Variants in DOC2A observed in about 807,000 individuals in gnomAD.
DOC2A encodes the protein double C2 domain alpha.
DOC2A carries 28 observed loss-of-function variants against 40.6 expected under a neutral mutation model. The ratio of observed to expected loss-of-function variants is 0.69; its 90% CI spans 0.51 to 0.95. The LOEUF (loss-of-function observed/expected upper bound fraction) is 0.95, where lower values mean the gene tolerates loss of function less well. Among genes scored for constraint, DOC2A ranks in the 40% least tolerant of loss-of-function variants. The pLI is 0.00. For missense variants in DOC2A, 474 were observed against 552.5 expected (o/e 0.86, Z 1.42); for synonymous variants, 241 against 236.9 (o/e 1.02, Z -0.16).
Position 30,009,315 on chromosome 16 carries a change from G to A in DOC2A, c.343-39C>T. ...CAGGGGAGAGGGCTAGAGGCTCCCGGCACCTCTCTCCATCCCTCTTGTAGA... is the reference window on the plus strand; with the variant it reads ...CAGGGGAGAGGGCTAGAGGCTCCCGACACCTCTCTCCATCCCTCTTGTAGA... On this transcript the variant is annotated intron_variant, in intron 3 of 10. Transcript: ENST00000350119. The surrounding 1 kb of genome is among the most constrained non-coding windows in gnomAD (Gnocchi z 4.1). 1 of 1,533,746 alleles carries A rather than the reference G, an allele frequency of 6.5e-7. No homozygotes were observed. Among genetic ancestry groups the A allele is most frequent in the Non-Finnish European group, 8.8e-7 (1 of 1,131,724 alleles).
chr16:30,009,334 T>A lies in DOC2A; in HGVS notation c.343-58A>T. Reference sequence around the variant, plus strand: ...CTCCCGGCACCTCTCTCCATCCCTCTTGTAGAGCTGGACCCTGGAGGAGCC... The same window carrying A: ...CTCCCGGCACCTCTCTCCATCCCTCATGTAGAGCTGGACCCTGGAGGAGCC... On this transcript the variant is annotated intron_variant, in intron 3 of 10. Transcript: ENST00000350119. This position sits in a 1 kb window ranked among gnomAD's most constrained non-coding sequence, Gnocchi z 4.1. 1 of 1,515,828 alleles carries A rather than the reference T, an allele frequency of 6.6e-7. No homozygotes were observed. Among genetic ancestry groups the A allele is most frequent in the Non-Finnish European group, 9.0e-7 (1 of 1,115,696 alleles). The allele number at this position is 1,515,828 out of a possible 1,614,324, so 93.9% of individuals were successfully genotyped here. A position where few individuals can be genotyped will look rare whatever the true frequency, so the allele number is the denominator to read the frequency against.
chr16:30,012,901 G>T (rs918981916), upstream of DOC2A, among the ~76,000 whole-genome samples: 3 of 151,996 alleles, frequency 2.0e-5, no homozygotes, highest in African/African-American at 7.3e-5. Flanking sequence ...TGAGGCAGGA[G>T]GATCGCTTGA....
upstream of DOC2A, among the ~76,000 whole-genome samples, chr16:30,016,043 ATATATATATATATTTTTT>A (rs1344523874): frequency 1.1e-3 from 26 of 22,712 alleles, no homozygotes; most frequent in Admixed American, 3.8e-3. Flanking sequence ...ATATATATAT[ATATATATATATATTTTTT>A]TTTTTTTTTT....
At position 30,010,911 on chromosome 16, in the gene DOC2A, C is replaced by T; in HGVS notation, c.-22G>A. The T allele has an allele frequency of 9.8e-7, 1 of 1,021,868 alleles. No individual in the cohort carries two copies. Among genetic ancestry groups the T allele is most frequent in the Non-Finnish European group, 1.2e-6 (1 of 851,366 alleles). The allele number at this position is 1,021,868 out of a possible 1,614,324, so 63.3% of individuals were successfully genotyped here. On this transcript the variant is annotated 5_prime_UTR_variant, in exon 1 of 11. Transcript: ENST00000350119. This position sits in a 1 kb window ranked among gnomAD's most constrained non-coding sequence, Gnocchi z 4.2. ...CAGCCCCCTGCACCTGCCTCTGCCT[C>T]CAACAGGTGCCCAGGCACTGGGGGG... is the stretch of plus-strand genomic sequence containing the variant.
rs953366984 is a variant in DOC2A at position 30,005,825 on chromosome 16, C to T, written c.*361G>A. ...TTGTCCTTTTTTTTTGAGACATTCT[C>T]CTCCTCTGAACCTCCCCTAATCCGA... is the stretch of plus-strand genomic sequence containing the variant. On this transcript the variant is annotated 3_prime_UTR_variant, in exon 11 of 11. Coordinates refer to ENST00000350119, the MANE Select transcript of DOC2A (RefSeq NM_003586.3). The T allele has an allele frequency of 2.2e-6, 1 of 456,490 alleles. No individual in the cohort carries two copies. The allele number at this position is 456,490 out of a possible 1,614,324, so 28.3% of individuals were successfully genotyped here.
upstream of DOC2A, chr16:30,011,410 G>A: frequency 1.0e-6 from 1 of 985,304 alleles, no homozygotes; most frequent in Non-Finnish European, 1.2e-6. Flanking sequence ...GAATCGCCGG[G>A]TGTTCCCCAA....
chr16:30,023,227 G>A (rs563215203), upstream of DOC2A: 5 of 879,738 alleles, frequency 5.7e-6, no homozygotes, highest in African/African-American at 6.7e-5. Context: ...TCTGATGAGA[G>A]TGAGGGATGG....
upstream of DOC2A, among the ~76,000 whole-genome samples, chr16:30,014,501 G>A (rs1249341827): frequency 6.6e-6 from 1 of 151,980 alleles, no homozygotes; most frequent in Non-Finnish European, 1.5e-5. Flanking sequence ...TGGGCGTGGA[G>A]GCGGGCAACT....
At chr16:30,022,182 G>A (rs1365704590), upstream of DOC2A, among the ~76,000 whole-genome samples, 2 of 146,210 alleles carry the variant, frequency 1.4e-5, no homozygotes, top group Non-Finnish European at 3.0e-5. Flanking sequence ...AGGAGGTGGA[G>A]GTTGCAGTGA....
chr16:30,009,555 C>A lies in DOC2A; in HGVS notation c.265G>T (p.Ala89Ser), dbSNP rs754124502. 6.4e-7 allele frequency: 1 copy of A among 1,550,862 alleles called. No homozygotes were observed. Among genetic ancestry groups the A allele is most frequent in the Non-Finnish European group, 8.7e-7 (1 of 1,146,886 alleles). ...VDSYDSDDATALGTLEFDLLY... is the reference protein window; with the variant it reads ...VDSYDSDDATSLGTLEFDLLY... ...AGGTCAAACTCCAGCGTGCCTAGGG[C>A]GGCTGGAGAGAGAGGAAAGGCAGCA... The change falls in exon 3 of 11, where the codon GCC becomes TCC. Residue 89 changes from alanine to serine, a missense_variant and splice_region_variant. By Grantham distance (99) the Ala-to-Ser change is moderately conservative (BLOSUM62 1). Transcript: ENST00000350119. This position sits in a 1 kb window ranked among gnomAD's most constrained non-coding sequence, Gnocchi z 4.1.
At chr16:30,020,046 C>G (rs2070893817) in intron 1 of DOC2A, among the ~76,000 whole-genome samples, 1 of 152,128 alleles carries the variant, frequency 6.6e-6, no homozygotes. Context: ...GTAGCTGGGG[C>G]TACAGGCGCA....
At chr16:30,014,834 G>A (rs2070838923), upstream of DOC2A, 1 of 151,518 alleles carries the variant, frequency 6.6e-6, no homozygotes, top group Non-Finnish European at 1.5e-5. Flanking sequence ...GGAGGCTGAG[G>A]CAGGAGAATT....
intron 5 of DOC2A, chr16:30,007,584 C>T: frequency 2.1e-6 from 1 of 486,334 alleles, no homozygotes; most frequent in Non-Finnish European, 3.8e-6. Flanking sequence ...GGGGCAGGAG[C>T]CGAACACCAC....
In DOC2A at chr16:30,009,180, C is replaced by CT; in HGVS notation, c.417+21_417+22insA. The CT allele has an allele frequency of 8.0e-7, 1 of 1,257,728 alleles. No homozygotes were observed. The highest frequency in any genetic ancestry group is 1.1e-6 in the Non-Finnish European group (1 of 904,468). The allele number at this position is 1,257,728 out of a possible 1,614,324, so 77.9% of individuals were successfully genotyped here. A position where few individuals can be genotyped will look rare whatever the true frequency, so the allele number is the denominator to read the frequency against. On this transcript the variant is annotated intron_variant, in intron 4 of 10. Coordinates refer to ENST00000350119, the MANE Select transcript of DOC2A (RefSeq NM_003586.3). This position sits in a 1 kb window ranked among gnomAD's most constrained non-coding sequence, Gnocchi z 4.1. Reference sequence around the variant, plus strand: ...GGCTGGAGTCATGGGCTGGGCCGGGCGGGGCGAGAGGAGGCTGTTACCTTA... The same window carrying CT: ...GGCTGGAGTCATGGGCTGGGCCGGGCTGGGGCGAGAGGAGGCTGTTACCTTA...
In DOC2A at chr16:30,006,635, C is replaced by T. The variant is rs374021811; in HGVS notation, c.921G>A (p.Thr307=). The change falls in exon 9 of 11, where the codon ACG becomes ACA. Residue 307 remains threonine, a synonymous_variant. Transcript: ENST00000350119. The surrounding 1 kb of genome is among the most constrained non-coding windows in gnomAD (Gnocchi z 6.2). ...GGTTGAGAGTCTTCTTCTTCACACA[C>T]GTCTTATGCTTGGATTTCTTGTCCA... The part of the protein sequence containing the change: ...PDVDKKSKHK[T]CVKKKTLNPE... 1.4e-5 allele frequency: 22 copies of T among 1,613,608 alleles called. No individual in the cohort carries two copies. Among genetic ancestry groups the T allele is most frequent in the Middle Eastern group, 1.6e-4 (1 of 6,084 alleles).
intron 1 of DOC2A, chr16:30,018,572 G>C (rs1255192363): frequency 1.3e-5 from 2 of 152,154 alleles, no homozygotes; most frequent in Non-Finnish European, 2.9e-5. Flanking sequence ...ACCATCTAGA[G>C]GAATGATGGG....
At chr16:30,011,344 A>G, upstream of DOC2A, 3 of 984,958 alleles carry the variant, frequency 3.0e-6, no homozygotes, top group Non-Finnish European at 3.6e-6. Context: ...AGAACTTCGC[A>G]CACACACGCA....
At chr16:30,008,628 CG>C (rs2070687783) in intron 5 of DOC2A, 1 of 288,568 alleles carries the variant, frequency 3.5e-6, no homozygotes, top group African/African-American at 2.2e-5. Flanking sequence ...CTCAGCCTCT[CG>C]AGTAGCTGGG....
Position 30,009,395 on chromosome 16 carries a change from G to A in DOC2A, c.342+83C>T. On this transcript the variant is annotated intron_variant, in intron 3 of 10. Transcript: ENST00000350119. The surrounding 1 kb of genome is among the most constrained non-coding windows in gnomAD (Gnocchi z 4.1). Reference sequence around the variant, plus strand: ...GGGCAAGGGCAGGACGAAGGAGCAGGCCTGGGAAGGGAAGGAGGAATGGGC... The same window carrying A: ...GGGCAAGGGCAGGACGAAGGAGCAGACCTGGGAAGGGAAGGAGGAATGGGC... The A allele has an allele frequency of 2.0e-6, 3 of 1,498,596 alleles. No individual in the cohort carries two copies. The highest frequency in any genetic ancestry group is 2.7e-6 in the Non-Finnish European group (3 of 1,100,088). The allele number at this position is 1,498,596 out of a possible 1,614,324, so 92.8% of individuals were successfully genotyped here.
Sources: allele counts gnomAD v4.1 joint callset (sites outside exome capture counted in the v4.1 genomes callset), GRCh38; gene constraint gnomAD v4.1.1; non-coding constraint Gnocchi (gnomAD v3.1); transcripts MANE v1.5; gene names NCBI Gene and HGNC (gene_info 2026-07-23, HGNC 2026-07-21).